Variants in FOXP1 observed in about 807,000 individuals in gnomAD.
The protein encoded by FOXP1 is forkhead box P1, also known as forkhead box protein P1.
Under a neutral mutation model 98.2 loss-of-function variants are expected in FOXP1, and 15 were observed. That is an observed-to-expected ratio of 0.15 (90% CI 0.10 to 0.24). FOXP1 has a LOEUF of 0.24. Among genes scored for constraint, FOXP1 ranks in the 10% least tolerant of loss-of-function variants. The probability of loss-of-function intolerance (pLI) is 1.00; values close to 1 mark genes in which losing one functional copy is unlikely to be tolerated. For missense variants in FOXP1, 633 were observed against 848.5 expected (o/e 0.75, Z 3.15); for synonymous variants, 371 against 314.5 (o/e 1.18, Z -1.90).
At chr3:70,970,307 CGACTTTAAAAGAAGAAAA>C in intron 19 of FOXP1, 1 of 200,576 alleles carries the variant, frequency 5.0e-6, no homozygotes, top group South Asian at 8.3e-5. Context: ...ATGCTACAGT[CGACTTTAAAAGAAGAAAA>C]AGAAATACAA....
Position 71,119,198 on chromosome 3 carries a change from C to T in FOXP1, c.181-6561G>A, listed in dbSNP as rs1394835258. Reference sequence around the variant, plus strand: ...TTGATCTGAAACTGTTTAAAACTTGCCTCAAACTTTGAAGATGTGTTTCTG... The same window carrying T: ...TTGATCTGAAACTGTTTAAAACTTGTCTCAAACTTTGAAGATGTGTTTCTG... On this transcript the variant is annotated intron_variant, in intron 6 of 20. Coordinates refer to ENST00000649528, the MANE Select transcript of FOXP1 (RefSeq NM_001349338.3). Among the ~76,000 whole-genome samples the T allele has an allele frequency of 2.0e-5, 3 of 152,172 alleles. No individual in the cohort carries two copies. In the East Asian group the frequency reaches 5.8e-4, roughly 29 times the overall value.
rs116915366 is a variant in FOXP1 at position 71,483,579 on chromosome 3, T to A, written c.-168+9847A>T. 6.8e-3 allele frequency among the ~76,000 whole-genome samples: 1,037 copies of A among 152,266 alleles called. 19 individuals carry two copies. Among genetic ancestry groups the A allele is most frequent in the East Asian group, 0.041 (211 of 5,174 alleles). On this transcript the variant is annotated intron_variant, in intron 3 of 20. Coordinates refer to ENST00000649528, the MANE Select transcript of FOXP1 (RefSeq NM_001349338.3). The stretch of plus-strand genomic sequence containing the variant: ...GTGACACATGAAAATCATGTGAAAT[T>A]CTAATTTCGGCGTCTGTAAATAAAT...
chr3:71,248,763 G>T (rs376156289), intron 5 of FOXP1, among the ~76,000 whole-genome samples: 3 of 150,352 alleles, frequency 2.0e-5, no homozygotes, highest in Admixed American at 6.6e-5. Context: ...AAAAAATTCA[G>T]CATGAAGTCG....
chr3:70,977,202 T>A (rs559391117), intron 16 of FOXP1, among the ~76,000 whole-genome samples, 160 bp from the exon 17 acceptor site: 3 of 152,346 alleles, frequency 2.0e-5, no homozygotes, highest in Admixed American at 2.0e-4. Flanking sequence ...AACAGTTCAA[T>A]AGCAAAATTC....
chr3:71,128,708 T>C (rs1166251348), intron 6 of FOXP1, among the ~76,000 whole-genome samples: 35 of 152,084 alleles, frequency 2.3e-4, no homozygotes, highest in Admixed American at 2.3e-3. Flanking sequence ...CACCACACAG[T>C]CGAACTACTG....
intron 6 of FOXP1, among the ~76,000 whole-genome samples, chr3:71,121,369 G>GA (rs1192345182): frequency 2.8e-4 from 36 of 126,338 alleles, no homozygotes; most frequent in Admixed American, 4.8e-4. Context: ...CATGACACCA[G>GA]AAAAAAAAAA....
At chr3:71,197,726 C>T (rs1442860707) in intron 6 of FOXP1, among the ~76,000 whole-genome samples, 8 of 152,294 alleles carry the variant, frequency 5.3e-5, no homozygotes, top group East Asian at 1.9e-4. Context: ...GCTGTTATCT[C>T]GCCATCTCCG....
chr3:71,514,353 T>C (rs556876697), intron 2 of FOXP1, among the ~76,000 whole-genome samples: 1 of 152,220 alleles, frequency 6.6e-6, no homozygotes, highest in Non-Finnish European at 1.5e-5. Context: ...CAGCCCACTC[T>C]CACTCCACAG....
intron 5 of FOXP1, among the ~76,000 whole-genome samples, chr3:71,285,781 G>T (rs2072055831): frequency 6.6e-6 from 1 of 152,324 alleles, no homozygotes; most frequent in Middle Eastern, 3.4e-3. Context: ...GAGGCTGGGA[G>T]TCACTACCAA....
intron 2 of FOXP1, among the ~76,000 whole-genome samples, chr3:71,518,172 A>C (rs2042719478): frequency 6.6e-6 from 1 of 152,026 alleles, no homozygotes; most frequent in African/African-American, 2.4e-5. Context: ...ATCTAAGCAC[A>C]TGCATCTCTA....
At chr3:71,505,565 A>G (rs2041756540) in intron 2 of FOXP1, among the ~76,000 whole-genome samples, 1 of 152,072 alleles carries the variant, frequency 6.6e-6, no homozygotes, top group Admixed American at 6.6e-5. Flanking sequence ...AGCTGGGATT[A>G]CAGGCGCTTG....
At chr3:70,984,648 T>C (rs375202429) in intron 14 of FOXP1, among the ~76,000 whole-genome samples, 9 of 152,192 alleles carry the variant, frequency 5.9e-5, no homozygotes, top group East Asian at 3.9e-4. Flanking sequence ...TCCCTTTCCA[T>C]AACCAACCTG....
chr3:71,135,996 C>T (rs916970406), intron 6 of FOXP1, among the ~76,000 whole-genome samples: 4 of 152,206 alleles, frequency 2.6e-5, no homozygotes. Flanking sequence ...CCCGTTCTGC[C>T]TTTCCTTCTC....
intron 7 of FOXP1, among the ~76,000 whole-genome samples, chr3:71,094,008 G>C (rs2056184087): frequency 1.3e-5 from 2 of 152,072 alleles, no homozygotes; most frequent in Admixed American, 1.3e-4. Flanking sequence ...TATAAATTCA[G>C]TAAGTTTCTA....
chr3:71,363,160 G>A (rs2078688971), intron 3 of FOXP1, among the ~76,000 whole-genome samples: 1 of 151,626 alleles, frequency 6.6e-6, no homozygotes, highest in South Asian at 2.1e-4. Context: ...TCTATTAAAG[G>A]TGTTAAAAAA....
chr3:71,402,685 G>A (rs1323639077), intron 3 of FOXP1, among the ~76,000 whole-genome samples: 2 of 152,166 alleles, frequency 1.3e-5, no homozygotes, highest in Non-Finnish European at 2.9e-5. Flanking sequence ...AAGGCTACCT[G>A]TGTACATAAG....
Position 71,230,341 on chromosome 3 carries a change from T to G in FOXP1, c.-11-31949A>C, listed in dbSNP as rs185832289. ...AAGGGCATGTGGTGCTCCTGACTTC[T>G]GGTGCCAAGAAGCCTCTACTTACAT... On this transcript the variant is annotated intron_variant, in intron 5 of 20. Coordinates refer to ENST00000649528, the MANE Select transcript of FOXP1 (RefSeq NM_001349338.3). 1.8e-4 allele frequency among the ~76,000 whole-genome samples: 28 copies of G among 152,312 alleles called. No individual in the cohort carries two copies. In the East Asian group the frequency reaches 5.2e-3, roughly 28 times the overall value.
At chr3:71,106,447 T>C (rs1313388136) in intron 7 of FOXP1, among the ~76,000 whole-genome samples, 4 of 152,152 alleles carry the variant, frequency 2.6e-5, no homozygotes, top group Non-Finnish European at 2.9e-5. Context: ...GCGATTCTCC[T>C]GCCTCAGCCT....
chr3:71,345,931 C>T (rs571483407), intron 4 of FOXP1, among the ~76,000 whole-genome samples: 1 of 130,160 alleles, frequency 7.7e-6, no homozygotes, highest in East Asian at 2.5e-4. Context: ...GCCCAATATG[C>T]AATGAGACAA....
Sources: gnomAD v4.1 joint callset for allele counts (sites outside exome capture counted in the v4.1 genomes callset) on GRCh38, gnomAD v4.1.1 for gene constraint, MANE v1.5 for transcripts, NCBI Gene and HGNC (gene_info 2026-07-23, HGNC 2026-07-21) for gene names.